The following XKR4 variants were observed in gnomAD, a reference collection of about 807,000 sequenced individuals.
The protein encoded by XKR4 is XK related 4.
Under a neutral mutation model 53.9 loss-of-function variants are expected in XKR4, and 12 were observed. The ratio of observed to expected loss-of-function variants is 0.22; its 90% confidence interval spans 0.14 to 0.36. XKR4 has a LOEUF of 0.36. XKR4 is among the 10% of genes least tolerant of loss of function. XKR4 has a pLI of 1.00. For synonymous variants in XKR4, 354 were observed against 362.4 expected, an observed-to-expected ratio of 0.98 and a Z score of 0.26; for missense variants, 799 against 859.5, an observed-to-expected ratio of 0.93 and a Z score of 0.88.
In XKR4 at chr8:55,529,439, T is replaced by C. The variant is rs7830792; in HGVS notation, c.*5212T>C. The C allele has an allele frequency of 0.66, 99,677 of 152,064 alleles. 32,976 individuals are homozygous for C. Among genetic ancestry groups the C allele is most frequent in the East Asian group, 0.79 (4,070 of 5,150 alleles). The allele number at this position is 152,064 out of a possible 1,614,324, so 9.4% of individuals were successfully genotyped here. On this transcript the variant is annotated 3_prime_UTR_variant, in exon 3 of 3. Transcript: ENST00000327381. Reference sequence around the variant, plus strand: ...TTTCACTTCCCCATAGACTTTCTTATGGTTCCATCTCCCACATTGAGAGTA... The same window carrying C: ...TTTCACTTCCCCATAGACTTTCTTACGGTTCCATCTCCCACATTGAGAGTA...
At chr8:55,428,805 A>G (rs1805056404) in intron 2 of XKR4, among the ~76,000 whole-genome samples, 1 of 152,208 alleles carries the variant, frequency 6.6e-6, no homozygotes, top group Non-Finnish European at 1.5e-5. Flanking sequence ...GAGACATACC[A>G]TGTTCATTAA....
At chr8:55,358,103 GA>G (rs576598436) in intron 2 of XKR4, among the ~76,000 whole-genome samples, 15 of 149,932 alleles carry the variant, frequency 1.0e-4, no homozygotes, top group African/African-American at 2.2e-4. Context: ...CTCTTAGTAG[GA>G]AAAAAAAAAT....
chr8:55,323,886 G>C (rs1585521017), intron 1 of XKR4, among the ~76,000 whole-genome samples: 2 of 151,862 alleles, frequency 1.3e-5, no homozygotes, highest in African/African-American at 4.8e-5. Context: ...CTATTGTCTA[G>C]CCATTTTTTT....
chr8:55,115,257 G>A (rs1360520652), intron 1 of XKR4, among the ~76,000 whole-genome samples: 1 of 152,140 alleles, frequency 6.6e-6, no homozygotes, highest in Non-Finnish European at 1.5e-5. Flanking sequence ...ACATTTATGG[G>A]AAATATGGTT....
Position 55,479,947 on chromosome 8 carries a change from T to C in XKR4, c.1007-43334T>C, listed in dbSNP as rs148539836. Among the ~76,000 whole-genome samples, 52 of 152,262 alleles carry C rather than the reference T, an allele frequency of 3.4e-4. 1 individual carries two copies. In the East Asian group the frequency reaches 6.7e-3, roughly 20 times the overall value. ...AAAGAAAAGTCCAGGACCAGACGGA[T>C]TCACTGCCGAATTTTACCAGAGGTA... On this transcript the variant is annotated intron_variant, in intron 2 of 2. Transcript: ENST00000327381.
chr8:55,328,087 A>G (rs894794369), intron 1 of XKR4, among the ~76,000 whole-genome samples: 2 of 152,198 alleles, frequency 1.3e-5, no homozygotes, highest in Non-Finnish European at 2.9e-5. Context: ...TTATAAAACC[A>G]TCAGATCTCA....
At chr8:55,385,509 C>CTG (rs1414961332) in intron 2 of XKR4, among the ~76,000 whole-genome samples, 5 of 152,134 alleles carry the variant, frequency 3.3e-5, no homozygotes, top group African/African-American at 1.2e-4. Flanking sequence ...TTATCTTCAG[C>CTG]TGTATCTATA....
rs368975403 is a variant in XKR4, at chr8:55,481,770, A to C, written c.1007-41511A>C. Among the ~76,000 whole-genome samples the C allele has an allele frequency of 2.6e-5, 4 of 152,348 alleles. No individual in the cohort carries two copies. The East Asian group carries it at 5.8e-4, about 22-fold the overall frequency. ...ACACACTTCTCAAAAGAAGACATTT[A>C]TGCAGCCAAAAGACACATGAAAAAA... On this transcript the variant is annotated intron_variant, in intron 2 of 2. Transcript: ENST00000327381.
chr8:55,271,827 T>C (rs1004011021), intron 1 of XKR4, among the ~76,000 whole-genome samples: 1 of 152,224 alleles, frequency 6.6e-6, no homozygotes, highest in Non-Finnish European at 1.5e-5. Flanking sequence ...GCAGTTTTTG[T>C]TTAGCTTCCT....
chr8:55,319,755 C>A (rs1326843935), intron 1 of XKR4, among the ~76,000 whole-genome samples: 4 of 152,156 alleles, frequency 2.6e-5, no homozygotes, highest in African/African-American at 9.7e-5. Context: ...TTAGTCTTTA[C>A]AATTCTAGGA....
chr8:55,134,844 A>G (rs2129353450), intron 1 of XKR4, among the ~76,000 whole-genome samples: 2 of 152,352 alleles, frequency 1.3e-5, no homozygotes, highest in South Asian at 4.1e-4. Context: ...GAGCAGATTC[A>G]GTGGATGATG....
intron 1 of XKR4, among the ~76,000 whole-genome samples, chr8:55,138,866 A>AT (rs1816664802): frequency 6.6e-6 from 1 of 152,182 alleles, no homozygotes; most frequent in African/African-American, 2.4e-5. Flanking sequence ...ATGTAAAAAG[A>AT]TTAAGTTGAA....
intron 1 of XKR4, among the ~76,000 whole-genome samples, chr8:55,226,293 A>G (rs1817949963): frequency 6.6e-6 from 1 of 152,238 alleles, no homozygotes. Flanking sequence ...TCAGGTCTAT[A>G]AGAATTGTGT....
chr8:55,274,596 C>G (rs1327299272), intron 1 of XKR4, among the ~76,000 whole-genome samples: 6 of 152,082 alleles, frequency 3.9e-5, no homozygotes. Context: ...CCACACCCAG[C>G]TAATGTTTGT....
intron 2 of XKR4, among the ~76,000 whole-genome samples, chr8:55,474,799 G>A (rs970947967): frequency 2.6e-5 from 4 of 152,132 alleles, no homozygotes; most frequent in South Asian, 2.1e-4. Flanking sequence ...CTTTATTCCC[G>A]TATCTCATTA....
intron 1 of XKR4, among the ~76,000 whole-genome samples, chr8:55,332,010 G>A (rs896621273): frequency 5.9e-5 from 9 of 152,050 alleles, no homozygotes; most frequent in Admixed American, 1.3e-4. Context: ...TAGCTATAGC[G>A]TCCATTATTT....
intron 2 of XKR4, among the ~76,000 whole-genome samples, chr8:55,446,709 A>G (rs1004242533): frequency 2.0e-5 from 3 of 152,186 alleles, no homozygotes; most frequent in Non-Finnish European, 4.4e-5. Flanking sequence ...TGCCCAATAA[A>G]GTTTAGGGGA....
intron 1 of XKR4, among the ~76,000 whole-genome samples, chr8:55,219,111 C>T (rs1019250733): frequency 1.3e-5 from 2 of 150,788 alleles, no homozygotes; most frequent in Non-Finnish European, 2.9e-5. Flanking sequence ...AGTTGGGTTT[C>T]TGTGAGCCAT....
intron 1 of XKR4, among the ~76,000 whole-genome samples, chr8:55,193,624 T>C (rs1472885875): frequency 6.6e-6 from 1 of 152,240 alleles, no homozygotes; most frequent in African/African-American, 2.4e-5. Flanking sequence ...TTGTCCCCAC[T>C]GTCGGGGTTA....
Sources: gnomAD v4.1 joint callset for allele counts (sites outside exome capture counted in the v4.1 genomes callset) on GRCh38, gnomAD v4.1.1 for gene constraint, MANE v1.5 for transcripts, NCBI Gene and HGNC (gene_info 2026-07-23, HGNC 2026-07-21) for gene names.